The following AAK1 variants were observed in gnomAD, a reference collection of about 807,000 sequenced individuals.
The protein encoded by AAK1 is AP2 associated kinase 1, also known as AP2-associated protein kinase 1.
Under a neutral mutation model 116.0 loss-of-function variants are expected in AAK1, and 37 were observed. That is an observed-to-expected ratio of 0.32 (90% CI 0.25 to 0.42). The LOEUF (loss-of-function observed/expected upper bound fraction) is 0.42. Ranked by LOEUF, AAK1 falls within the 10% of genes least tolerant of loss-of-function variation. The probability of loss-of-function intolerance (pLI) is 1.00; values close to 1 mark genes in which losing one functional copy is unlikely to be tolerated. For missense variants in AAK1, 919 were observed against 1,170.6 expected, an observed-to-expected ratio of 0.79 and a Z score of 3.14; for synonymous variants, 458 against 439.9, an observed-to-expected ratio of 1.04 and a Z score of -0.51.
At chr2:69,514,181 C>T (rs1318903453) in intron 13 of AAK1, among the ~76,000 whole-genome samples, 1 of 152,160 alleles carries the variant, frequency 6.6e-6, no homozygotes, top group Non-Finnish European at 1.5e-5. Context: ...TTCAAAGTGA[C>T]ACAGACAGAG....
chr2:69,486,343 G>A (rs1675301751), intron 17 of AAK1, among the ~76,000 whole-genome samples: 1 of 152,140 alleles, frequency 6.6e-6, no homozygotes, highest in South Asian at 2.1e-4. Flanking sequence ...CGTGTTGTGT[G>A]GTGAGACAGA....
chr2:69,638,136 C>T (rs1043655392), intron 2 of AAK1, among the ~76,000 whole-genome samples: 6 of 152,180 alleles, frequency 3.9e-5, no homozygotes, highest in African/African-American at 1.4e-4. Context: ...CAGGCAAAGA[C>T]ATCTGAAGTG....
chr2:69,600,290 G>GTTTT (rs55852032), intron 2 of AAK1, among the ~76,000 whole-genome samples: 1 of 133,518 alleles, frequency 7.5e-6, no homozygotes. Flanking sequence ...ATCTGTCTCA[G>GTTTT]TTTTTTTTTT....
At chr2:69,589,533 A>C (rs935231348) in intron 2 of AAK1, among the ~76,000 whole-genome samples, 1 of 151,954 alleles carries the variant, frequency 6.6e-6, no homozygotes, top group Admixed American at 6.6e-5. Context: ...ATATGATGAA[A>C]CCCTGTCTCT....
chr2:69,571,272 G>A (rs772117198), intron 2 of AAK1, among the ~76,000 whole-genome samples: 6 of 152,166 alleles, frequency 3.9e-5, no homozygotes, highest in Non-Finnish European at 5.9e-5. Context: ...TTGAGAATCC[G>A]AAGTGATGAC....
At chr2:69,586,728 A>G (rs1380711472) in intron 2 of AAK1, among the ~76,000 whole-genome samples, 1 of 152,196 alleles carries the variant, frequency 6.6e-6, no homozygotes, top group Non-Finnish European at 1.5e-5. Flanking sequence ...CCGGGCTCAC[A>G]TTCATTCCAT....
In AAK1 at chr2:69,474,298, C is replaced by T. The variant is rs1674774344; in HGVS notation, c.*1571G>A. On this transcript the variant is annotated 3_prime_UTR_variant, in exon 22 of 22. Coordinates refer to ENST00000409085, the MANE Select transcript of AAK1 (RefSeq NM_014911.5). Reference sequence around the variant, plus strand: ...TACAGATCTGATTAACTAAGAGTTTCCCTTTTGATGATGGACAATGGCACT... The same window carrying T: ...TACAGATCTGATTAACTAAGAGTTTTCCTTTTGATGATGGACAATGGCACT... 2 of 985,692 alleles carry T rather than the reference C, an allele frequency of 2.0e-6. No individual in the cohort carries two copies. Among genetic ancestry groups the T allele is most frequent in the Admixed American group, 6.2e-5 (1 of 16,252 alleles). The allele number at this position is 985,692 out of a possible 1,614,324, so 61.1% of individuals were successfully genotyped here.
At chr2:69,612,104 A>G (rs1472060734) in intron 2 of AAK1, among the ~76,000 whole-genome samples, 4 of 152,256 alleles carry the variant, frequency 2.6e-5, no homozygotes, top group South Asian at 2.1e-4. Context: ...ATGTGAATGT[A>G]CTGCACGTTG....
chr2:69,470,780 T>C lies in AAK1; in HGVS notation c.*5089A>G, dbSNP rs1176745190. The C allele has an allele frequency of 1.0e-6, 1 of 985,716 alleles. No homozygotes were observed. 61.1% of individuals were successfully genotyped at this position (985,716 alleles called of 1,614,324 possible). A position where few individuals can be genotyped will look rare whatever the true frequency, so the allele number is the denominator to read the frequency against. On this transcript the variant is annotated 3_prime_UTR_variant, in exon 22 of 22. Coordinates refer to ENST00000409085, the MANE Select transcript of AAK1 (RefSeq NM_014911.5). The stretch of plus-strand genomic sequence containing the variant: ...CCATGATTCATTAATATGTCCTCAG[T>C]GTGTAGCTATACTTTTCTTGTGCCC...
intron 2 of AAK1, among the ~76,000 whole-genome samples, chr2:69,578,619 G>A (rs1329109279): frequency 6.6e-6 from 1 of 151,912 alleles, no homozygotes; most frequent in South Asian, 2.1e-4. Context: ...ATCCCTCAAC[G>A]TTTACATTCC....
chr2:69,627,707 C>T (rs1674972495), intron 2 of AAK1, among the ~76,000 whole-genome samples: 1 of 152,184 alleles, frequency 6.6e-6, no homozygotes, highest in Non-Finnish European at 1.5e-5. Context: ...ACTCCTCTTC[C>T]TCCACACAGT....
At chr2:69,526,829 T>C (rs1162547575) in intron 9 of AAK1, among the ~76,000 whole-genome samples, 1 of 152,124 alleles carries the variant, frequency 6.6e-6, no homozygotes, top group Non-Finnish European at 1.5e-5. Flanking sequence ...GGGCGTAGGT[T>C]CTAACAGGCA....
chr2:69,501,394 T>TA (rs1675974473), intron 16 of AAK1, among the ~76,000 whole-genome samples: 1 of 152,060 alleles, frequency 6.6e-6, no homozygotes, highest in African/African-American at 2.4e-5. Context: ...TTTTTTTTTT[T>TA]ACTAGGGAAA....
At chr2:69,581,316 G>T (rs558827421) in intron 2 of AAK1, among the ~76,000 whole-genome samples, 1 of 152,224 alleles carries the variant, frequency 6.6e-6, no homozygotes, top group African/African-American at 2.4e-5. Flanking sequence ...GTTTCACCAC[G>T]TTGGCTCCTG....
At chr2:69,585,434 T>C (rs1214019079) in intron 2 of AAK1, among the ~76,000 whole-genome samples, 1 of 152,160 alleles carries the variant, frequency 6.6e-6, no homozygotes, top group East Asian at 1.9e-4. Context: ...GGTTAACATT[T>C]ATGCTTCGGC....
Position 69,469,356 on chromosome 2 carries a change from G to C in AAK1, c.*6513C>G, listed in dbSNP as rs1479886859. On this transcript the variant is annotated 3_prime_UTR_variant, in exon 22 of 22. Coordinates refer to ENST00000409085, the MANE Select transcript of AAK1 (RefSeq NM_014911.5). ...ATAAATTCCAAATATACTAGAAACA[G>C]AAGGTAACCATTAAATCTTGTTGGC... is the stretch of plus-strand genomic sequence containing the variant. 1.0e-6 allele frequency: 1 copy of C among 985,294 alleles called. No homozygotes were observed. Among genetic ancestry groups the C allele is most frequent in the East Asian group, 1.1e-4 (1 of 8,832 alleles). 61.0% of individuals were successfully genotyped at this position (985,294 alleles called of 1,614,324 possible). A position where few individuals can be genotyped will look rare whatever the true frequency, so the allele number is the denominator to read the frequency against.
chr2:69,497,073 C>A (rs1200399252), intron 16 of AAK1, among the ~76,000 whole-genome samples: 2 of 152,046 alleles, frequency 1.3e-5, no homozygotes, highest in South Asian at 4.1e-4. Context: ...GAAAATGAAG[C>A]CTAAACGTTA....
chr2:69,522,550 T>C (rs1470805197), intron 10 of AAK1, among the ~76,000 whole-genome samples: 3 of 152,194 alleles, frequency 2.0e-5, no homozygotes, highest in Non-Finnish European at 4.4e-5. Flanking sequence ...ACACCTTTAA[T>C]CCCAGCACTC....
chr2:69,575,605 A>C (rs139780634), intron 2 of AAK1, among the ~76,000 whole-genome samples: 5 of 151,530 alleles, frequency 3.3e-5, no homozygotes, highest in African/African-American at 1.2e-4. Context: ...AGTAGCCAGG[A>C]TTACAGGCAC....
Sources: allele counts gnomAD v4.1 joint callset (sites outside exome capture counted in the v4.1 genomes callset), GRCh38; gene constraint gnomAD v4.1.1; transcripts MANE v1.5; gene names NCBI Gene and HGNC (gene_info 2026-07-23, HGNC 2026-07-21).